The following SOAT1 variants were observed in gnomAD, a reference collection of about 807,000 sequenced individuals.
SOAT1 encodes the protein sterol O-acyltransferase 1.
SOAT1 carries 55 observed loss-of-function variants against 69.5 expected under a neutral mutation model. That is an observed-to-expected ratio of 0.79 (90% confidence interval 0.64 to 0.99). The LOEUF (loss-of-function observed/expected upper bound fraction) is 0.99, where lower values mean the gene tolerates loss of function less well. Among genes scored for constraint, SOAT1 ranks in the 50% least tolerant of loss-of-function variants. The pLI is 0.00. For missense variants in SOAT1, 580 were observed against 669.3 expected (o/e 0.87, Z 1.47); for synonymous variants, 231 against 224.7 (o/e 1.03, Z -0.25).
In SOAT1 at chr1:179,343,595, C is replaced by T. The variant is rs1274947812; in HGVS notation, c.947C>T (p.Pro316Leu). The change falls in exon 10 of 16, where the codon CCC (proline) becomes CTC (leucine). Residue 316 changes from proline (P) to leucine (L), a missense_variant. Transcript: ENST00000367619. ...TTTGTTTCTTTCTTTTTCAGGAATC[C>T]CACTGTAAGATGGGGTTATGTCGCT... ...LIYRDSYPRN[P>L]TVRWGYVAMK... 5.0e-6 allele frequency: 8 copies of T among 1,609,966 alleles called. No individual in the cohort carries two copies. The highest frequency in any genetic ancestry group is 3.3e-5 in the South Asian group (3 of 90,600).
intron 1 of SOAT1, among the ~76,000 whole-genome samples, chr1:179,295,138 A>G (rs1008455806): frequency 6.6e-6 from 1 of 152,110 alleles, no homozygotes; most frequent in Admixed American, 6.5e-5. Flanking sequence ...ATAAAGACCT[A>G]CTGAGTGAGC....
At chr1:179,315,583 A>G (rs1050476528) in intron 2 of SOAT1, among the ~76,000 whole-genome samples, 7 of 152,190 alleles carry the variant, frequency 4.6e-5, no homozygotes, top group Admixed American at 3.9e-4. Context: ...TTGTATGAAG[A>G]GGTATTTTGA....
At position 179,346,996 on chromosome 1, in the gene SOAT1, G is replaced by A. The variant is rs565822942; in HGVS notation, c.1118-604G>A. On this transcript the variant is annotated intron_variant, in intron 11 of 15. Transcript: ENST00000367619. ...TTTTAAACAATTGTTTAAGAGGGGG[G>A]TATGGGGGCCAGATTTTTAAAGGAC... 1.6e-4 allele frequency among the ~76,000 whole-genome samples: 24 copies of A among 152,166 alleles called. No individual in the cohort carries two copies. In the South Asian group the frequency reaches 5.0e-3, roughly 32 times the overall value.
intron 2 of SOAT1, among the ~76,000 whole-genome samples, chr1:179,306,364 A>G (rs1226467252): frequency 2.0e-5 from 3 of 152,194 alleles, no homozygotes; most frequent in Non-Finnish European, 2.9e-5. Flanking sequence ...AGGACTTGAT[A>G]TGAAGCATAG....
chr1:179,329,023 G>T (rs1162788135), intron 3 of SOAT1, among the ~76,000 whole-genome samples: 1 of 144,658 alleles, frequency 6.9e-6, no homozygotes, highest in African/African-American at 2.6e-5. Context: ...TCCAGCCTGG[G>T]TGATAGAGCC....
At chr1:179,344,820 G>A in intron 10 of SOAT1, 127 bp from the exon 11 acceptor site, 1 of 833,222 alleles carries the variant, frequency 1.2e-6, no homozygotes, top group Non-Finnish European at 2.0e-6. Context: ...CTATACTAGT[G>A]TTAAATGGAA....
intron 1 of SOAT1, among the ~76,000 whole-genome samples, chr1:179,294,153 C>T (rs1664549141): frequency 1.3e-5 from 2 of 152,246 alleles, no homozygotes; most frequent in African/African-American, 2.4e-5. Flanking sequence ...GCCTTTTAAA[C>T]CCTGCACGCT....
chr1:179,340,901 T>G (rs1170927427), intron 6 of SOAT1, 127 bp from the exon 7 acceptor site: 3 of 748,976 alleles, frequency 4.0e-6, no homozygotes, highest in Non-Finnish European at 4.3e-6. Context: ...ATCCATGACT[T>G]CAGCGTATTA....
intron 2 of SOAT1, among the ~76,000 whole-genome samples, chr1:179,307,716 CT>C (rs963734265): frequency 2.7e-4 from 41 of 152,060 alleles, no homozygotes; most frequent in African/African-American, 9.9e-4. Context: ...CTTAGGTTAC[CT>C]TTTATGCAAA....
intron 7 of SOAT1, 44 bp downstream of exon 7, chr1:179,341,354 AAAT>A (rs772865982): frequency 1.4e-5 from 22 of 1,537,798 alleles, no homozygotes; most frequent in Non-Finnish European, 1.9e-5. Flanking sequence ...TCCTCGGCTA[AAAT>A]AATAATAATG....
At chr1:179,332,733 T>C (rs535701379) in intron 3 of SOAT1, among the ~76,000 whole-genome samples, 43 of 152,334 alleles carry the variant, frequency 2.8e-4, no homozygotes, top group African/African-American at 1.0e-3. Context: ...TTCAGATTTA[T>C]TAGTGATCAC....
chr1:179,301,636 A>G (rs1664834044), intron 1 of SOAT1, among the ~76,000 whole-genome samples: 3 of 152,320 alleles, frequency 2.0e-5, no homozygotes, highest in Admixed American at 1.3e-4. Flanking sequence ...GATAGTAACT[A>G]CTTTAAATCA....
chr1:179,342,284 T>C (rs1666366327), intron 8 of SOAT1, 92 bp downstream of exon 8: 1 of 686,208 alleles, frequency 1.5e-6, no homozygotes, highest in Non-Finnish European at 2.4e-6. Flanking sequence ...TCTTTCCTTC[T>C]TTCCTTCCCT....
intron 12 of SOAT1, 52 bp from the exon 13 acceptor site, chr1:179,348,792 G>T (rs965469288): frequency 5.8e-5 from 22 of 380,976 alleles, no homozygotes; most frequent in Admixed American, 2.0e-4. Context: ...GTGTGTGTGT[G>T]TGTGTGTGTG....
rs996568680 is a variant in SOAT1, at chr1:179,358,328, A to G, written c.*4687A>G. 2 of 152,186 alleles carry G rather than the reference A, an allele frequency of 1.3e-5. No homozygotes were observed. The highest frequency in any genetic ancestry group is 3.2e-3 in the Middle Eastern group (1 of 316). The allele number at this position is 152,186 out of a possible 1,614,324, so 9.4% of individuals were successfully genotyped here. A position where few individuals can be genotyped will look rare whatever the true frequency, so the allele number is the denominator to read the frequency against. On this transcript the variant is annotated 3_prime_UTR_variant, in exon 16 of 16. Transcript: ENST00000367619. ...TACTACATTCACATTTCTGCTGTCA[A>G]TAAGCCCTAATGGAGTGATAAACTT... is the stretch of plus-strand genomic sequence containing the variant.
intron 2 of SOAT1, among the ~76,000 whole-genome samples, chr1:179,303,223 T>C (rs1427124109): frequency 3.9e-5 from 6 of 152,214 alleles, no homozygotes; most frequent in African/African-American, 1.4e-4. Context: ...ATGAGTAAAA[T>C]GTGAGTAATT....
intron 1 of SOAT1, among the ~76,000 whole-genome samples, chr1:179,297,630 TGTTTAA>T (rs1338098221): frequency 6.6e-6 from 1 of 150,620 alleles, no homozygotes; most frequent in Admixed American, 6.6e-5. Flanking sequence ...CCGGTGCGCT[TGTTTAA>T]GAAACAGTGG....
intron 1 of SOAT1, among the ~76,000 whole-genome samples, chr1:179,300,903 G>A (rs907228301): frequency 2.6e-5 from 4 of 151,994 alleles, no homozygotes; most frequent in East Asian, 1.9e-4. Flanking sequence ...CGAGACCAGC[G>A]TGACCAACAT....
intron 3 of SOAT1, among the ~76,000 whole-genome samples, chr1:179,335,015 C>CAAAA (rs10603546): frequency 1.5e-4 from 11 of 73,472 alleles, no homozygotes; most frequent in African/African-American, 2.2e-4. Context: ...AACTCCATCT[C>CAAAA]AAAAAAAAAA....
Sources: gnomAD v4.1 joint callset for allele counts (sites outside exome capture counted in the v4.1 genomes callset) on GRCh38, gnomAD v4.1.1 for gene constraint, MANE v1.5 for transcripts, NCBI Gene and HGNC (gene_info 2026-07-23, HGNC 2026-07-21) for gene names.